UBE3D: variants seen among roughly 807,000 people sequenced by gnomAD.
The protein encoded by UBE3D is ubiquitin protein ligase E3D, also known as E3 ubiquitin-protein ligase E3D.
In UBE3D, 48 loss-of-function variants were observed where a neutral mutation model predicts 49.6. The observed-to-expected ratio is 0.97, with a 90% CI of 0.77 to 1.23. The LOEUF (loss-of-function observed/expected upper bound fraction) is 1.23, where lower values mean the gene tolerates loss of function less well. Ranked by LOEUF, UBE3D falls within the 50% of genes most tolerant of loss-of-function variation. The pLI is 0.00. For missense variants in UBE3D, 452 were observed against 468.4 expected, an observed-to-expected ratio of 0.96 and a Z score of 0.32; for synonymous variants, 189 against 174.2, an observed-to-expected ratio of 1.08 and a Z score of -0.67.
intron 8 of UBE3D, among the ~76,000 whole-genome samples, chr6:82,989,141 T>C (rs1778714361): frequency 6.6e-6 from 1 of 152,044 alleles, no homozygotes. Flanking sequence ...AAGCAAGAGC[T>C]CCTTTACAGT....
At chr6:83,049,996 A>G (rs1238335147) in intron 3 of UBE3D, among the ~76,000 whole-genome samples, 1 of 152,230 alleles carries the variant, frequency 6.6e-6, no homozygotes, top group Non-Finnish European at 1.5e-5. Context: ...CAAATTTTAT[A>G]GAAAAACTGC....
intron 8 of UBE3D, among the ~76,000 whole-genome samples, chr6:82,962,538 T>C (rs561690641): frequency 5.3e-5 from 8 of 152,300 alleles, no homozygotes; most frequent in African/African-American, 1.7e-4. Flanking sequence ...AAAGATACAA[T>C]TAGTTATCAT....
chr6:83,023,051 A>T (rs1781214792), intron 6 of UBE3D, among the ~76,000 whole-genome samples: 1 of 152,244 alleles, frequency 6.6e-6, no homozygotes, highest in South Asian at 2.1e-4. Context: ...AAAGATTGCT[A>T]TAATTTTTGG....
intron 9 of UBE3D, among the ~76,000 whole-genome samples, chr6:82,951,850 T>C (rs866615634): frequency 3.9e-5 from 6 of 152,236 alleles, no homozygotes; most frequent in Middle Eastern, 3.4e-3. Flanking sequence ...GATGGTATCC[T>C]CCTGACAATC....
chr6:82,917,307 GC>G (rs1772991057), intron 9 of UBE3D, among the ~76,000 whole-genome samples: 1 of 152,096 alleles, frequency 6.6e-6, no homozygotes, highest in African/African-American at 2.4e-5. Flanking sequence ...GGAGGGGGAA[GC>G]CCCTGAGAAA....
chr6:82,915,727 C>A (rs1469932369), intron 9 of UBE3D, among the ~76,000 whole-genome samples: 1 of 152,146 alleles, frequency 6.6e-6, no homozygotes, highest in Non-Finnish European at 1.5e-5. Context: ...CCAGGTGTTG[C>A]AAGTTACCTT....
downstream of UBE3D, among the ~76,000 whole-genome samples, chr6:82,891,284 T>C (rs1770973883): frequency 6.6e-6 from 1 of 152,192 alleles, no homozygotes; most frequent in Non-Finnish European, 1.5e-5. Flanking sequence ...GCTGTGCTAA[T>C]GGAATCTAGT....
intron 5 of UBE3D, among the ~76,000 whole-genome samples, chr6:83,026,530 A>C (rs1302008293): frequency 6.6e-6 from 1 of 152,160 alleles, no homozygotes; most frequent in Non-Finnish European, 1.5e-5. Context: ...AATATTACAC[A>C]CAGAAAGGTA....
chr6:82,934,086 T>C (rs928697609), intron 9 of UBE3D, among the ~76,000 whole-genome samples: 1 of 152,194 alleles, frequency 6.6e-6, no homozygotes, highest in Non-Finnish European at 1.5e-5. Context: ...GTTTCCCCCA[T>C]GCTGTTCTCT....
chr6:82,946,429 AAAG>A (rs1775409293), intron 9 of UBE3D, among the ~76,000 whole-genome samples: 1 of 152,116 alleles, frequency 6.6e-6, no homozygotes, highest in South Asian at 2.1e-4. Context: ...CTTCAAACAC[AAAG>A]AAGAAATAAA....
chr6:83,043,857 C>T (rs1418040993), intron 4 of UBE3D, among the ~76,000 whole-genome samples: 1 of 152,130 alleles, frequency 6.6e-6, no homozygotes, highest in African/African-American at 2.4e-5. Context: ...AGAAAATTGC[C>T]TTCTTCCCAA....
At position 82,957,399 on chromosome 6, in the gene UBE3D, G is replaced by C; in HGVS notation, c.1062C>G (p.Pro354=). ...SDISVHPLTL[P]SATCLELLLI... ...ACAGCAGCTCCAAGCAGGTTGCAGA[G>C]GGCAGGGTTAGCGGGTGGACGCTGA... The change falls in exon 9 of 10, where the codon CCC becomes CCG. Residue 354 remains proline (P), a synonymous_variant. Coordinates refer to ENST00000369747, the MANE Select transcript of UBE3D (RefSeq NM_198920.3). 6.2e-7 allele frequency: 1 copy of C among 1,614,110 alleles called. No homozygotes were observed. Among genetic ancestry groups the C allele is most frequent in the Non-Finnish European group, 8.5e-7 (1 of 1,180,012 alleles).
At chr6:82,941,212 TA>T (rs1774987448) in intron 9 of UBE3D, among the ~76,000 whole-genome samples, 1 of 151,998 alleles carries the variant, frequency 6.6e-6, no homozygotes, top group Non-Finnish European at 1.5e-5. Context: ...TCCAAAAAAA[TA>T]AAAAACAATT....
chr6:82,950,301 A>T (rs1285084445), intron 9 of UBE3D, among the ~76,000 whole-genome samples: 1 of 152,228 alleles, frequency 6.6e-6, no homozygotes, highest in African/African-American at 2.4e-5. Flanking sequence ...ATGCAAATCA[A>T]AACTATAACA....
At chr6:82,931,012 C>A (rs1774103210) in intron 9 of UBE3D, among the ~76,000 whole-genome samples, 1 of 152,134 alleles carries the variant, frequency 6.6e-6, no homozygotes, top group African/African-American at 2.4e-5. Flanking sequence ...TGGGCCAGGC[C>A]CAGGGCTGCC....
At chr6:82,919,555 C>G (rs931351095) in intron 9 of UBE3D, among the ~76,000 whole-genome samples, 2 of 151,648 alleles carry the variant, frequency 1.3e-5, no homozygotes, top group African/African-American at 4.9e-5. Flanking sequence ...AAGATCACAC[C>G]ACTGCACTCC....
chr6:82,907,328 C>A (rs1012405640), intron 9 of UBE3D, among the ~76,000 whole-genome samples: 2 of 152,080 alleles, frequency 1.3e-5, no homozygotes, highest in African/African-American at 4.8e-5. Context: ...GTATTTCTAA[C>A]CTCTAAGGAA....
At chr6:83,021,476 T>C (rs764427795) in intron 7 of UBE3D, among the ~76,000 whole-genome samples, 1 of 150,182 alleles carries the variant, frequency 6.7e-6, no homozygotes, top group Non-Finnish European at 1.5e-5. Context: ...CAATAGGACA[T>C]ATTCTAAACA....
intron 8 of UBE3D, among the ~76,000 whole-genome samples, chr6:83,014,462 C>T (rs1163924758): frequency 6.6e-6 from 1 of 152,152 alleles, no homozygotes; most frequent in Non-Finnish European, 1.5e-5. Flanking sequence ...ATTATGCATT[C>T]TGGCACTAGG....
Sources: gnomAD v4.1 joint callset for allele counts (sites outside exome capture counted in the v4.1 genomes callset) on GRCh38, gnomAD v4.1.1 for gene constraint, MANE v1.5 for transcripts, NCBI Gene and HGNC (gene_info 2026-07-23, HGNC 2026-07-21) for gene names.